Variants in VAC14 observed in about 807,000 individuals in gnomAD.
VAC14 encodes VAC14 component of PIKFYVE complex, also known as protein VAC14 homolog.
A neutral mutation model predicts 85.3 loss-of-function variants in VAC14; 47 were observed. The observed-to-expected ratio is 0.55, with a 90% confidence interval of 0.44 to 0.70. VAC14 has a LOEUF of 0.70. Ranked by LOEUF, VAC14 falls within the 30% of genes least tolerant of loss-of-function variation. The probability of loss-of-function intolerance (pLI) is 0.00; values close to 1 mark genes in which losing one functional copy is unlikely to be tolerated. For synonymous variants in VAC14, 447 were observed against 430.5 expected (o/e 1.04, Z -0.47); for missense variants, 861 against 1,004.3 (o/e 0.86, Z 1.93).
intron 1 of VAC14, among the ~76,000 whole-genome samples, chr16:70,790,595 C>T (rs1005634268): frequency 4.0e-5 from 6 of 151,882 alleles, no homozygotes; most frequent in African/African-American, 1.2e-4. Context: ...GCTCTGATGT[C>T]GGAGTGACAG....
intron 15 of VAC14, 80 bp from the exon 16 acceptor site, chr16:70,697,337 G>A (rs1597852094): frequency 8.2e-7 from 1 of 1,212,262 alleles, no homozygotes; most frequent in Non-Finnish European, 1.2e-6. Flanking sequence ...CTGAGGGAAG[G>A]GCCACAGGTC....
chr16:70,748,664 A>G (rs983620238), intron 12 of VAC14, among the ~76,000 whole-genome samples: 1 of 152,212 alleles, frequency 6.6e-6, no homozygotes, highest in African/African-American at 2.4e-5. Context: ...TCATGACACA[A>G]GGCCAGGTGC....
intron 14 of VAC14, among the ~76,000 whole-genome samples, chr16:70,723,105 C>T (rs1373746465): frequency 6.6e-6 from 1 of 152,042 alleles, no homozygotes; most frequent in Non-Finnish European, 1.5e-5. Context: ...GCCTGTAATT[C>T]CAGCTACTCG....
At chr16:70,710,643 G>A (rs568314646) in intron 14 of VAC14, among the ~76,000 whole-genome samples, 12 of 152,314 alleles carry the variant, frequency 7.9e-5, no homozygotes, top group African/African-American at 2.6e-4. Flanking sequence ...CAGCTGCTGC[G>A]TATTCCACAG....
At chr16:70,733,200 C>A (rs965253272) in intron 13 of VAC14, among the ~76,000 whole-genome samples, 2 of 152,152 alleles carry the variant, frequency 1.3e-5, no homozygotes, top group Non-Finnish European at 2.9e-5. Flanking sequence ...TATGGATTTG[C>A]CTATTCTGGA....
At chr16:70,746,006 G>C (rs2030857461) in intron 12 of VAC14, among the ~76,000 whole-genome samples, 2 of 152,226 alleles carry the variant, frequency 1.3e-5, no homozygotes, top group African/African-American at 4.8e-5. Context: ...AAAAGCTTGT[G>C]AGTATATTAA....
Position 70,695,596 on chromosome 16 carries a change from G to C in VAC14, c.1983C>G (p.Phe661Leu). Residue 661 changes from phenylalanine (F) to leucine (L), a missense_variant, in exon 17 of 19, where the codon TTC (phenylalanine) becomes TTG (leucine). Phe to Leu is a conservative substitution (Grantham distance 22). Around this residue, in one of 3 missense-constraint regions of VAC14, gnomAD observed 163 missense variants for 162.2 expected, o/e 1.00. Transcript: ENST00000261776. ...GCACCAGCTTGTCCACCTCTGCGAG[G>C]AAGTCCACGGTGACCTCCAGGTCCC... Reference protein sequence around the residue: ...KFGDLEVTVDFLAEVDKLVQL... With the variant: ...KFGDLEVTVDLLAEVDKLVQL... 1 of 1,613,880 alleles carries C rather than the reference G, an allele frequency of 6.2e-7. No individual in the cohort carries two copies. Among genetic ancestry groups the C allele is most frequent in the Non-Finnish European group, 8.5e-7 (1 of 1,179,942 alleles).
chr16:70,712,462 G>A (rs1029991294), intron 14 of VAC14, among the ~76,000 whole-genome samples: 4 of 152,132 alleles, frequency 2.6e-5, no homozygotes, highest in Non-Finnish European at 5.9e-5. Context: ...CCGTGGGGAG[G>A]GACAGTGACC....
At chr16:70,765,922 A>T (rs1032917625) in intron 10 of VAC14, among the ~76,000 whole-genome samples, 1 of 152,088 alleles carries the variant, frequency 6.6e-6, no homozygotes, top group Non-Finnish European at 1.5e-5. Flanking sequence ...ATTTGAGGCC[A>T]TGAGTTTGAG....
intron 1 of VAC14, among the ~76,000 whole-genome samples, chr16:70,798,008 T>C (rs549980000): frequency 6.6e-6 from 1 of 152,206 alleles, no homozygotes; most frequent in Non-Finnish European, 1.5e-5. Context: ...CAGGTATTTG[T>C]TTATAGCAGA....
intron 14 of VAC14, among the ~76,000 whole-genome samples, chr16:70,728,269 C>T (rs1355105586): frequency 1.3e-5 from 2 of 152,048 alleles, no homozygotes; most frequent in African/African-American, 2.4e-5. Context: ...CTCCTGAGCA[C>T]GCTGAGGAGC....
intron 13 of VAC14, 144 bp downstream of exon 13, chr16:70,744,279 G>T: frequency 8.2e-7 from 1 of 1,217,150 alleles, no homozygotes; most frequent in Non-Finnish European, 1.1e-6. Flanking sequence ...GTGGGAGATC[G>T]CCAGTAGCAA....
At chr16:70,783,325 G>A (rs1301904968) in intron 6 of VAC14, 120 bp downstream of exon 6, 4 of 1,113,370 alleles carry the variant, frequency 3.6e-6, no homozygotes, top group African/African-American at 1.5e-5. Context: ...GGAAGCACAA[G>A]AGCCAGGAAG....
At chr16:70,694,044 C>T (rs1255437153) in intron 17 of VAC14, among the ~76,000 whole-genome samples, 1 of 152,206 alleles carries the variant, frequency 6.6e-6, no homozygotes, top group African/African-American at 2.4e-5. Flanking sequence ...TCCCTTTGGG[C>T]CTTTGGGAAG....
At chr16:70,708,040 T>C (rs2053955193) in intron 14 of VAC14, among the ~76,000 whole-genome samples, 1 of 152,196 alleles carries the variant, frequency 6.6e-6, no homozygotes, top group African/African-American at 2.4e-5. Flanking sequence ...ATCTGCCGCT[T>C]TGGCCTTCCA....
chr16:70,798,808 A>G lies in VAC14; in HGVS notation c.104+1989T>C, dbSNP rs1433291972. 3.3e-5 allele frequency among the ~76,000 whole-genome samples: 5 copies of G among 152,334 alleles called. No individual in the cohort carries two copies. The East Asian group carries it at 9.6e-4, about 29-fold the overall frequency. Reference sequence around the variant, plus strand: ...CACGCTTTTGGGCAGCAAGGTCCTGAGCCTGCAATGTTATTTCCCCACCGA... The same window carrying G: ...CACGCTTTTGGGCAGCAAGGTCCTGGGCCTGCAATGTTATTTCCCCACCGA... On this transcript the variant is annotated intron_variant, in intron 1 of 18. Transcript: ENST00000261776.
At chr16:70,752,050 G>A (rs535897378) in intron 12 of VAC14, among the ~76,000 whole-genome samples, 9 of 152,180 alleles carry the variant, frequency 5.9e-5, no homozygotes, top group African/African-American at 2.2e-4. Flanking sequence ...GATAGAAAAC[G>A]TTTTGTCTTA....
At chr16:70,778,012 A>G (rs2033608409) in intron 9 of VAC14, among the ~76,000 whole-genome samples, 2 of 152,204 alleles carry the variant, frequency 1.3e-5, no homozygotes, top group South Asian at 4.1e-4. Context: ...CTGAGAGTGG[A>G]TGTAAAGGCG....
chr16:70,750,616 C>T (rs966834744), intron 12 of VAC14, among the ~76,000 whole-genome samples: 2 of 151,894 alleles, frequency 1.3e-5, no homozygotes, highest in African/African-American at 2.4e-5. Context: ...TTGCCTTCCA[C>T]GGTGGTGACT....
Sources: allele counts gnomAD v4.1 joint callset (sites outside exome capture counted in the v4.1 genomes callset), GRCh38; gene constraint gnomAD v4.1.1; regional missense constraint gnomAD v4.1.1; transcripts MANE v1.5; gene names NCBI Gene and HGNC (gene_info 2026-07-23, HGNC 2026-07-21).